The following IL1RAPL1 variants were observed in gnomAD, a reference collection of about 807,000 sequenced individuals.
The protein encoded by IL1RAPL1 is interleukin-1 receptor accessory protein-like 1.
In IL1RAPL1, 3 loss-of-function variants were observed where a neutral mutation model predicts 48.4. That is an observed-to-expected ratio of 0.06 (90% CI 0.03 to 0.16). IL1RAPL1 has a LOEUF of 0.16. Among genes scored for constraint, IL1RAPL1 ranks in the 10% least tolerant of loss-of-function variants. IL1RAPL1 has a pLI of 1.00. For missense variants in IL1RAPL1, 349 were observed against 530.6 expected (o/e 0.66, Z 3.36); for synonymous variants, 185 against 187.7 (o/e 0.99, Z 0.12).
chrX:29,826,937 GTTTTC>G (rs1930751405), intron 6 of IL1RAPL1, among the ~76,000 whole-genome samples: 1 of 111,850 alleles, frequency 8.9e-6, no homozygotes, highest in Admixed American at 9.5e-5. Flanking sequence ...CTGCCAAACT[GTTTTC>G]CAAAACCAGC....
At chrX:29,186,125 GT>G (rs1288982333) in intron 2 of IL1RAPL1, among the ~76,000 whole-genome samples, 4 of 111,740 alleles carry the variant, frequency 3.6e-5, no homozygotes, top group East Asian at 2.8e-4. Context: ...ATGTGTGAAG[GT>G]TTTTTTATTC....
chrX:29,480,750 AT>A (rs1185060703), intron 5 of IL1RAPL1, among the ~76,000 whole-genome samples: 1 of 110,449 alleles, frequency 9.1e-6, no homozygotes, highest in Non-Finnish European at 1.9e-5. Flanking sequence ...CCTTTTTTCC[AT>A]TTTTTCATCT....
At chrX:29,088,395 G>T (rs1035390901) in intron 2 of IL1RAPL1, among the ~76,000 whole-genome samples, 2 of 111,111 alleles carry the variant, frequency 1.8e-5, no homozygotes, top group Non-Finnish European at 3.8e-5. Context: ...AAATAATAAG[G>T]CCGGGCGTGG....
intron 2 of IL1RAPL1, among the ~76,000 whole-genome samples, chrX:28,813,111 G>A (rs1419918304): frequency 9.0e-6 from 1 of 110,745 alleles, no homozygotes; most frequent in East Asian, 2.8e-4. Flanking sequence ...CTGTTTCGTT[G>A]TATTTTTCAT....
chrX:29,139,243 A>G (rs1314197021), intron 2 of IL1RAPL1, among the ~76,000 whole-genome samples: 3 of 111,483 alleles, frequency 2.7e-5, no homozygotes, highest in Admixed American at 1.9e-4. Flanking sequence ...TTAGAAAAAA[A>G]ATTTATGGAG....
intron 6 of IL1RAPL1, among the ~76,000 whole-genome samples, chrX:29,833,259 A>G (rs112355075): frequency 0.053 from 5,949 of 111,706 alleles, 395 homozygotes; most frequent in African/African-American, 0.18. Flanking sequence ...AGTAGGTATC[A>G]ATAGATGATA....
chrX:29,723,421 G>A (rs1003285182), intron 6 of IL1RAPL1, among the ~76,000 whole-genome samples: 29 of 111,615 alleles, frequency 2.6e-4, no homozygotes, highest in African/African-American at 9.1e-4. Context: ...GCTTATTTTT[G>A]TATTTTTAGT....
intron 6 of IL1RAPL1, among the ~76,000 whole-genome samples, chrX:29,756,764 G>A (rs974002509): frequency 1.3e-4 from 15 of 112,056 alleles, no homozygotes; most frequent in African/African-American, 4.9e-4. Flanking sequence ...CGTCCAAAAA[G>A]ATATGTTGAA....
chrX:29,562,431 T>C (rs1261141168), intron 5 of IL1RAPL1, among the ~76,000 whole-genome samples: 1 of 111,076 alleles, frequency 9.0e-6, no homozygotes, highest in Non-Finnish European at 1.9e-5. Flanking sequence ...GTTTAACAAG[T>C]CTCTCACTTT....
chrX:29,590,283 T>C (rs1014340885), intron 5 of IL1RAPL1, among the ~76,000 whole-genome samples: 1 of 111,805 alleles, frequency 8.9e-6, no homozygotes, highest in East Asian at 2.8e-4. Flanking sequence ...GGGAGAAATA[T>C]ATAAGCTACA....
At chrX:28,816,063 A>C (rs1936867429) in intron 2 of IL1RAPL1, among the ~76,000 whole-genome samples, 1 of 104,075 alleles carries the variant, frequency 9.6e-6, no homozygotes, top group Non-Finnish European at 2.0e-5. Context: ...TTCTATATTT[A>C]GTTTTTTGAG....
At chrX:28,747,630 G>A (rs900054113) in intron 1 of IL1RAPL1, among the ~76,000 whole-genome samples, 26 of 112,152 alleles carry the variant, frequency 2.3e-4, no homozygotes, top group African/African-American at 8.4e-4. Context: ...GACAGAGTGA[G>A]ACTCCGTCTC....
chrX:29,190,233 T>C (rs765205453), intron 2 of IL1RAPL1, among the ~76,000 whole-genome samples: 54 of 112,306 alleles, frequency 4.8e-4, no homozygotes, highest in African/African-American at 7.4e-4. Context: ...CCTTATGGAC[T>C]GTCAGTGTAG....
intron 6 of IL1RAPL1, among the ~76,000 whole-genome samples, chrX:29,890,477 T>TAACG (rs1254177830): frequency 8.9e-6 from 1 of 111,968 alleles, no homozygotes; most frequent in East Asian, 2.8e-4. Flanking sequence ...CTGGAAGGAC[T>TAACG]AACGAAGAAC....
rs1189441628 is a variant in IL1RAPL1, at chrX:29,027,948, G to GTA, written c.82+238527_82+238528dup. ...TGTGTGTGTGTGTGTGTGTGTGTGT[G>GTA]TATATTATATATATATAAATGTACT... On this transcript the variant is annotated intron_variant, in intron 2 of 10. Coordinates refer to ENST00000378993, the MANE Select transcript of IL1RAPL1 (RefSeq NM_014271.4). 1.4e-3 allele frequency among the ~76,000 whole-genome samples: 149 copies of GTA among 108,821 alleles called. 1 individual carries two copies. Among genetic ancestry groups the GTA allele is most frequent in the African/African-American group, 4.8e-3 (144 of 29,800 alleles). 94.5% of individuals were successfully genotyped at this position (108,821 alleles called of 115,157 possible). A position where few individuals can be genotyped will look rare whatever the true frequency, so the allele number is the denominator to read the frequency against.
intron 1 of IL1RAPL1, among the ~76,000 whole-genome samples, chrX:28,689,460 A>T (rs1256014021): frequency 9.0e-6 from 1 of 111,463 alleles, no homozygotes; most frequent in East Asian, 2.8e-4. Flanking sequence ...GCCATGCTGA[A>T]CTGTGAGTCA....
intron 3 of IL1RAPL1, among the ~76,000 whole-genome samples, chrX:29,350,676 G>A (rs1933219240): frequency 9.2e-6 from 1 of 108,301 alleles, no homozygotes; most frequent in South Asian, 4.2e-4. Flanking sequence ...TTTCTACATG[G>A]CGCCCTGAGC....
intron 5 of IL1RAPL1, among the ~76,000 whole-genome samples, chrX:29,556,767 T>A (rs1922014986): frequency 8.9e-6 from 1 of 112,263 alleles, no homozygotes; most frequent in Non-Finnish European, 1.9e-5. Context: ...AATGGCTTAA[T>A]TTAAAATATG....
chrX:29,543,115 T>TTCTCTCCCTC (rs1556033273), intron 5 of IL1RAPL1, among the ~76,000 whole-genome samples: 1 of 91,683 alleles, frequency 1.1e-5, no homozygotes, highest in Non-Finnish European at 2.2e-5. Flanking sequence ...ATCTGTTCGT[T>TTCTCTCCCTC]TCTCTCTCTC....
Sources: gnomAD v4.1 joint callset for allele counts (sites outside exome capture counted in the v4.1 genomes callset) on GRCh38, gnomAD v4.1.1 for gene constraint, MANE v1.5 for transcripts, NCBI Gene and HGNC (gene_info 2026-07-23, HGNC 2026-07-21) for gene names.